Variants in LAMC3 observed in about 807,000 individuals in gnomAD.
LAMC3 encodes laminin subunit gamma-3.
LAMC3 carries 128 observed loss-of-function variants against 173.8 expected under a neutral mutation model. The observed-to-expected ratio is 0.74, with a 90% CI of 0.64 to 0.85. LAMC3 has a LOEUF of 0.85. Among genes scored for constraint, LAMC3 ranks in the 40% least tolerant of loss-of-function variants. The probability of loss-of-function intolerance (pLI) is 0.00; values close to 1 mark genes in which losing one functional copy is unlikely to be tolerated. For missense variants in LAMC3, 2,022 were observed against 2,156.0 expected, an observed-to-expected ratio of 0.94 and a Z score of 1.23; for synonymous variants, 897 against 909.1, an observed-to-expected ratio of 0.99 and a Z score of 0.24.
At chr9:131,041,500 C>G in intron 6 of LAMC3, 137 bp from the exon 7 acceptor site, 1 of 763,124 alleles carries the variant, frequency 1.3e-6, no homozygotes, top group Non-Finnish European at 2.3e-6. Flanking sequence ...AAGATGGGAA[C>G]AGTAAAGCCA....
intron 3 of LAMC3, among the ~76,000 whole-genome samples, chr9:131,034,806 T>C (rs1833911886): frequency 6.6e-6 from 1 of 152,182 alleles, no homozygotes; most frequent in Non-Finnish European, 1.5e-5. Context: ...TGCCGCGGGC[T>C]CCCAGGGCAC....
At chr9:131,050,941 G>A (rs181319964) in intron 9 of LAMC3, among the ~76,000 whole-genome samples, 7 of 152,284 alleles carry the variant, frequency 4.6e-5, no homozygotes, top group Admixed American at 2.6e-4. Context: ...CATTGCGCTC[G>A]TGCTGGTGAT....
chr9:131,055,423 C>CT (rs56220728), intron 11 of LAMC3, among the ~76,000 whole-genome samples: 7,753 of 109,170 alleles, frequency 0.071, 576 homozygotes, highest in Non-Finnish European at 0.11. Context: ...TCTTTTCTTT[C>CT]TTTTTTTTTT....
chr9:131,063,523 A>T (rs957698129), intron 13 of LAMC3, among the ~76,000 whole-genome samples: 12 of 152,220 alleles, frequency 7.9e-5, no homozygotes, highest in African/African-American at 2.9e-4. Flanking sequence ...TATCCACACC[A>T]GTGTCCTCTG....
chr9:131,084,087 T>C (rs1830288709), intron 24 of LAMC3, among the ~76,000 whole-genome samples: 1 of 150,446 alleles, frequency 6.6e-6, no homozygotes, highest in Non-Finnish European at 1.5e-5. Context: ...TTCACCAGGT[T>C]GGACAGGCTG....
At chr9:131,017,918 C>T (rs534304706) in intron 1 of LAMC3, among the ~76,000 whole-genome samples, 41 of 151,480 alleles carry the variant, frequency 2.7e-4, no homozygotes, top group South Asian at 6.3e-4. Context: ...CCCAGCTACC[C>T]AGGAGTCTGA....
At chr9:131,081,067 T>C (rs1176869409) in intron 23 of LAMC3, among the ~76,000 whole-genome samples, 1 of 152,186 alleles carries the variant, frequency 6.6e-6, no homozygotes, top group Non-Finnish European at 1.5e-5. Context: ...TCATTTCCAC[T>C]TCCGAGGCCC....
At chr9:131,070,442 G>A (rs1830020396) in intron 17 of LAMC3, among the ~76,000 whole-genome samples, 1 of 152,256 alleles carries the variant, frequency 6.6e-6, no homozygotes, top group Non-Finnish European at 1.5e-5. Flanking sequence ...GCCGGGTGCT[G>A]TGGCTCACGC....
At position 131,009,552 on chromosome 9, in the gene LAMC3, A is replaced by C. The variant is rs1218166859; in HGVS notation, c.338A>C (p.Gln113Pro). The change falls in exon 1 of 28, where the codon CAG becomes CCG. Residue 113 changes from glutamine to proline, a missense_variant. By Grantham distance (76) the Gln-to-Pro change is moderately conservative. Coordinates refer to ENST00000361069, the MANE Select transcript of LAMC3 (RefSeq NM_006059.4). The surrounding 1 kb of genome is among the most constrained non-coding windows in gnomAD (Gnocchi z 4.3). ...WQSPSMAFGVQYPTSVNITLR... is the reference protein window; with the variant it reads ...WQSPSMAFGVPYPTSVNITLR... ...AGCCCGTCCATGGCCTTCGGCGTGCAGTACCCCACCTCGGTCAACATCACC... is the reference window on the plus strand; with the variant it reads ...AGCCCGTCCATGGCCTTCGGCGTGCCGTACCCCACCTCGGTCAACATCACC... 6.4e-7 allele frequency: 1 copy of C among 1,570,106 alleles called. No individual in the cohort carries two copies. Among genetic ancestry groups the C allele is most frequent in the Non-Finnish European group, 8.6e-7 (1 of 1,158,322 alleles).
chr9:131,051,854 C>A (rs953704180), intron 9 of LAMC3, among the ~76,000 whole-genome samples: 2 of 151,736 alleles, frequency 1.3e-5, no homozygotes, highest in African/African-American at 4.8e-5. Context: ...TGGCCTGTGT[C>A]CTTTCCTCCT....
In LAMC3 at chr9:131,094,225, G is replaced by T. The variant is rs991490079; in HGVS notation, c.*2438G>T. On this transcript the variant is annotated 3_prime_UTR_variant, in exon 28 of 28. Coordinates refer to ENST00000361069, the MANE Select transcript of LAMC3 (RefSeq NM_006059.4). ...ATGGCCCCAGGTGTACATGTCATCAGGTCCAGTGCTTGCAAGAGACAAGCT... is the reference window on the plus strand; with the variant it reads ...ATGGCCCCAGGTGTACATGTCATCATGTCCAGTGCTTGCAAGAGACAAGCT... 6.6e-6 allele frequency: 1 copy of T among 152,152 alleles called. No homozygotes were observed. Among genetic ancestry groups the T allele is most frequent in the Non-Finnish European group, 1.5e-5 (1 of 68,052 alleles). 9.4% of individuals were successfully genotyped at this position (152,152 alleles called of 1,614,324 possible). A position where few individuals can be genotyped will look rare whatever the true frequency, so the allele number is the denominator to read the frequency against.
intron 22 of LAMC3, among the ~76,000 whole-genome samples, chr9:131,077,550 G>A (rs1478521982): frequency 1.3e-5 from 2 of 151,674 alleles, no homozygotes; most frequent in Non-Finnish European, 2.9e-5. Context: ...GGTGGTGCGT[G>A]CCTGTAACCC....
chr9:131,069,091 G>C (rs963748411), intron 16 of LAMC3, 41 bp downstream of exon 16: 2 of 1,609,224 alleles, frequency 1.2e-6, no homozygotes, highest in Non-Finnish European at 1.7e-6. Context: ...CTGAGGGTGG[G>C]GCCCGAGGGT....
intron 27 of LAMC3, among the ~76,000 whole-genome samples, chr9:131,091,040 C>G (rs898681660): frequency 4.6e-5 from 7 of 152,080 alleles, no homozygotes; most frequent in African/African-American, 1.4e-4. Flanking sequence ...ATAAATGCAT[C>G]CATCCATCCA....
chr9:131,039,832 G>T (rs181763114), intron 6 of LAMC3, among the ~76,000 whole-genome samples: 27 of 152,072 alleles, frequency 1.8e-4, no homozygotes, highest in African/African-American at 6.5e-4. Context: ...GGGTGGGAGA[G>T]GCTGAGTGTC....
intron 2 of LAMC3, among the ~76,000 whole-genome samples, chr9:131,028,141 G>C (rs1485235331): frequency 7.6e-6 from 1 of 132,076 alleles, no homozygotes; most frequent in Non-Finnish European, 1.6e-5. Context: ...TCAGCCTCCT[G>C]TCAGATCAGC....
intron 2 of LAMC3, among the ~76,000 whole-genome samples, chr9:131,031,165 GA>G (rs1327084116): frequency 6.6e-6 from 1 of 152,238 alleles, no homozygotes; most frequent in Admixed American, 6.5e-5. Flanking sequence ...GGCCTGCCAG[GA>G]GCTCATTTTC....
chr9:131,059,449 G>A lies in LAMC3; in HGVS notation c.2159-1586G>A, dbSNP rs1355492950. 2.3e-5 allele frequency among the ~76,000 whole-genome samples: 3 copies of A among 129,210 alleles called. No homozygotes were observed. The South Asian group carries it at 7.6e-4, about 33-fold the overall frequency. 84.8% of individuals were successfully genotyped at this position (129,210 alleles called of 152,430 possible). On this transcript the variant is annotated intron_variant, in intron 12 of 27. Transcript: ENST00000361069. Reference sequence around the variant, plus strand: ...GGAGGTTGCAGTGAGCCGAGATCGCGCCACTGCACTCCAGCCTGGGCGACA... The same window carrying A: ...GGAGGTTGCAGTGAGCCGAGATCGCACCACTGCACTCCAGCCTGGGCGACA...
chr9:131,036,305 A>G lies in LAMC3; in HGVS notation c.949A>G (p.Thr317Ala). Residue 317 changes from threonine to alanine, a missense_variant, in exon 4 of 28, where the codon ACC becomes GCC. By Grantham distance (58) the Thr-to-Ala change is moderately conservative. Coordinates refer to ENST00000361069, the MANE Select transcript of LAMC3 (RefSeq NM_006059.4). ...FFQDRPWARG[T>A]AEAAHECLPC... Reference sequence around the variant, plus strand: ...CCAGGACCGCCCGTGGGCCCGGGGCACCGCCGAGGCTGCCCACGAGTGTCT... The same window carrying G: ...CCAGGACCGCCCGTGGGCCCGGGGCGCCGCCGAGGCTGCCCACGAGTGTCT... 1 of 1,612,984 alleles carries G rather than the reference A, an allele frequency of 6.2e-7. No homozygotes were observed. The highest frequency in any genetic ancestry group is 8.5e-7 in the Non-Finnish European group (1 of 1,179,864).
Sources: allele counts gnomAD v4.1 joint callset (sites outside exome capture counted in the v4.1 genomes callset), GRCh38; gene constraint gnomAD v4.1.1; non-coding constraint Gnocchi (gnomAD v3.1); transcripts MANE v1.5; gene names NCBI Gene and HGNC (gene_info 2026-07-23, HGNC 2026-07-21).